POLR2C: variants seen among roughly 807,000 people sequenced by gnomAD.
The protein encoded by POLR2C is RNA polymerase II subunit C.
POLR2C carries 36 observed loss-of-function variants against 41.7 expected under a neutral mutation model. The ratio of observed to expected loss-of-function variants is 0.86; its 90% CI spans 0.66 to 1.14. The LOEUF is 1.14. Ranked by LOEUF, POLR2C falls within the 50% of genes most tolerant of loss-of-function variation. POLR2C has a pLI of 0.00. For synonymous variants in POLR2C, 133 were observed against 137.8 expected, an observed-to-expected ratio of 0.96 and a Z score of 0.25; for missense variants, 260 against 350.4, an observed-to-expected ratio of 0.74 and a Z score of 2.06.
At position 57,471,154 on chromosome 16, in the gene POLR2C, C is replaced by G. The variant is rs1301728215; in HGVS notation, c.*35C>G. 6 of 1,596,144 alleles carry G rather than the reference C, an allele frequency of 3.8e-6. No homozygotes were observed. Among genetic ancestry groups the G allele is most frequent in the Non-Finnish European group, 5.2e-6 (6 of 1,164,574 alleles). ...GCCTGCTTCAGCAAAAACGGAGATT[C>G]AGGCCAGCAGCTGGATATGGGGGTC... On this transcript the variant is annotated 3_prime_UTR_variant, in exon 9 of 9. Transcript: ENST00000219252.
intron 2 of POLR2C, 169 bp downstream of exon 2, chr16:57,463,247 C>G (rs1468113193): frequency 4.5e-6 from 3 of 665,418 alleles, no homozygotes; most frequent in Non-Finnish European, 5.4e-6. Context: ...GCTCAGTGGC[C>G]GCCTCCCTGG....
At position 57,466,174 on chromosome 16, in the gene POLR2C, G is replaced by A; in HGVS notation, c.206-1G>A. The A allele has an allele frequency of 6.2e-7, 1 of 1,602,446 alleles. No homozygotes were observed. Among genetic ancestry groups the A allele is most frequent in the Non-Finnish European group, 8.5e-7 (1 of 1,172,248 alleles). On this transcript the variant is annotated splice_acceptor_variant, in intron 3 of 8. Transcript: ENST00000219252. LOFTEE classifies it high-confidence loss of function. The stretch of plus-strand genomic sequence containing the variant: ...TTAAAGTGCTTTTCTGTTTTTTACA[G>A]GATTAATTCCCCTCATTAGTGATGA...
At position 57,469,244 on chromosome 16, in the gene POLR2C, G is replaced by A. The variant is rs769921504; in HGVS notation, c.338G>A (p.Arg113Gln). The A allele has an allele frequency of 3.7e-6, 6 of 1,614,060 alleles. No homozygotes were observed. The highest frequency in any genetic ancestry group is 1.3e-5 in the African/African-American group (1 of 74,922). Residue 113 changes from arginine to glutamine, a missense_variant, in exon 5 of 9, where the codon CGA becomes CAA. Physicochemically the swap from Arg to Gln is conservative, Grantham distance 43 (BLOSUM62 1). Transcript: ENST00000219252. This position sits in a 1 kb window ranked among gnomAD's most constrained non-coding sequence, Gnocchi z 5.8. ...GTGCGGTGCAATGAAGACCAGACGCGACATGTCACGTCTCGAGACCTCATC... is the reference window on the plus strand; with the variant it reads ...GTGCGGTGCAATGAAGACCAGACGCAACATGTCACGTCTCGAGACCTCATC... ...LDVRCNEDQT[R>Q]HVTSRDLISN...
chr16:57,470,893 G>A, intron 8 of POLR2C, 82 bp from the exon 9 acceptor site: 5 of 1,392,006 alleles, frequency 3.6e-6, no homozygotes, highest in African/African-American at 1.4e-5. Context: ...CCAAGACCCG[G>A]AAGGAGGAAG....
In POLR2C at chr16:57,469,080, ATTAG is replaced by A; in HGVS notation, c.259-84_259-81del. 1 of 1,385,100 alleles carries A rather than the reference ATTAG, an allele frequency of 7.2e-7. No individual in the cohort carries two copies. The highest frequency in any genetic ancestry group is 1.0e-6 in the Non-Finnish European group (1 of 989,954). 85.8% of individuals were successfully genotyped at this position (1,385,100 alleles called of 1,614,324 possible). ...GGTGAAGAAACTTAAGGAACTGGGCATTAGATGCAGGAAGCCAAGACAAGGAGCC... is the reference window on the plus strand; with the variant it reads ...GGTGAAGAAACTTAAGGAACTGGGCAATGCAGGAAGCCAAGACAAGGAGCC... On this transcript the variant is annotated intron_variant, in intron 4 of 8. Coordinates refer to ENST00000219252, the MANE Select transcript of POLR2C (RefSeq NM_032940.3). The surrounding 1 kb of genome is among the most constrained non-coding windows in gnomAD (Gnocchi z 5.8).
intron 8 of POLR2C, 28 bp downstream of exon 8, chr16:57,470,382 T>C (rs1462203919): frequency 1.9e-6 from 3 of 1,545,398 alleles, no homozygotes; most frequent in Non-Finnish European, 8.8e-7. Context: ...CATGGGAAGG[T>C]GAAGTGTGGA....
At chr16:57,467,735 C>G (rs1387045194) in intron 4 of POLR2C, among the ~76,000 whole-genome samples, 3 of 152,174 alleles carry the variant, frequency 2.0e-5, no homozygotes, top group African/African-American at 7.2e-5. Flanking sequence ...GAATAGTTTC[C>G]TACATAACTA....
chr16:57,462,925 G>A, intron 1 of POLR2C, 104 bp from the exon 2 acceptor site: 1 of 1,251,944 alleles, frequency 8.0e-7, no homozygotes, highest in Non-Finnish European at 1.1e-6. Context: ...TGTCCTTCCA[G>A]AGCTGCCCCC....
intron 1 of POLR2C, 49 bp from the exon 2 acceptor site, chr16:57,462,980 C>G (rs1567582609): frequency 6.4e-7 from 1 of 1,553,458 alleles, no homozygotes; most frequent in South Asian, 1.1e-5. Flanking sequence ...GCGGGCCCAG[C>G]CTGTCGAGGC....
chr16:57,471,057 C>CT lies in POLR2C; in HGVS notation c.767dup (p.Ser257GlufsTer2). On this transcript the variant is annotated frameshift_variant, in exon 9 of 9. Transcript: ENST00000219252. LOFTEE classifies it high-confidence loss of function. The stretch of plus-strand genomic sequence containing the variant: ...AGCCCTCTCAGGATTGAAGAAGAAA[C>CT]TGAGTGATTTACAAACTCAATTAAG... The CT allele has an allele frequency of 6.2e-7, 1 of 1,613,350 alleles. No individual in the cohort carries two copies. Among genetic ancestry groups the CT allele is most frequent in the Non-Finnish European group, 8.5e-7 (1 of 1,179,262 alleles).
In POLR2C at chr16:57,469,404, C is replaced by A; in HGVS notation, c.387+111C>A. 1 of 1,202,874 alleles carries A rather than the reference C, an allele frequency of 8.3e-7. No individual in the cohort carries two copies. The highest frequency in any genetic ancestry group is 1.2e-6 in the Non-Finnish European group (1 of 815,986). 74.5% of individuals were successfully genotyped at this position (1,202,874 alleles called of 1,614,324 possible). A position where few individuals can be genotyped will look rare whatever the true frequency, so the allele number is the denominator to read the frequency against. On this transcript the variant is annotated intron_variant, in intron 5 of 8. Coordinates refer to ENST00000219252, the MANE Select transcript of POLR2C (RefSeq NM_032940.3). This position sits in a 1 kb window ranked among gnomAD's most constrained non-coding sequence, Gnocchi z 5.8. ...TAGAAAATGTTGGCTTTCCCTGTTA[C>A]CCTCTGCCTTAATCTGATCCCTAGA...
Position 57,469,328 on chromosome 16 carries a change from T to C in POLR2C, c.387+35T>C. 6.2e-7 allele frequency: 1 copy of C among 1,611,220 alleles called. No homozygotes were observed. The highest frequency in any genetic ancestry group is 8.5e-7 in the Non-Finnish European group (1 of 1,178,712). ...GGAGAGCATCCTCTTTTCCCTGGGA[T>C]CTTTTCTCTTCTCTGGCTGGCTCCA... is the stretch of plus-strand genomic sequence containing the variant. On this transcript the variant is annotated intron_variant, in intron 5 of 8. Coordinates refer to ENST00000219252, the MANE Select transcript of POLR2C (RefSeq NM_032940.3). The surrounding 1 kb of genome is among the most constrained non-coding windows in gnomAD (Gnocchi z 5.8).
In POLR2C at chr16:57,462,704, GGCTGGT is replaced by G. The variant is rs1567582390; in HGVS notation, c.-19_-14del. The G allele has an allele frequency of 6.4e-7, 1 of 1,572,748 alleles. No homozygotes were observed. The highest frequency in any genetic ancestry group is 1.2e-5 in the South Asian group (1 of 86,780). ...GCAGTCACCGCGGAGCAGACGCGGAGGCTGGTGGCCCCTGGGCGAGATGCCGTACGC... is the reference window on the plus strand; with the variant it reads ...GCAGTCACCGCGGAGCAGACGCGGAGGGCCCCTGGGCGAGATGCCGTACGC... On this transcript the variant is annotated 5_prime_UTR_variant, in exon 1 of 9. Transcript: ENST00000219252.
chr16:57,470,861 C>T, intron 8 of POLR2C, 114 bp from the exon 9 acceptor site: 1 of 1,020,020 alleles, frequency 9.8e-7, no homozygotes. Context: ...GGCCCAAGGT[C>T]AAGTTCCATG....
At chr16:57,462,855 A>T in intron 1 of POLR2C, 45 bp downstream of exon 1, 1 of 1,085,324 alleles carries the variant, frequency 9.2e-7, no homozygotes, top group Non-Finnish European at 1.2e-6. Flanking sequence ...GGGCGCCGGG[A>T]GGCCCAAGCC....
At chr16:57,470,675 T>C (rs2030812667) in intron 8 of POLR2C, among the ~76,000 whole-genome samples, 1 of 152,234 alleles carries the variant, frequency 6.6e-6, no homozygotes, top group Admixed American at 6.5e-5. Flanking sequence ...GTGAAAGGTC[T>C]ATCACTGGTC....
intron 2 of POLR2C, chr16:57,463,359 C>T (rs2030627898): frequency 1.8e-6 from 1 of 567,204 alleles, no homozygotes; most frequent in Non-Finnish European, 3.1e-6. Flanking sequence ...GTTTTCACTA[C>T]TATTGTTACA....
chr16:57,467,055 A>C (rs1232929052), intron 4 of POLR2C, among the ~76,000 whole-genome samples: 2 of 152,134 alleles, frequency 1.3e-5, no homozygotes, highest in African/African-American at 4.8e-5. Context: ...GACACGGTGA[A>C]ACCCTGTCTC....
Position 57,469,886 on chromosome 16 carries a change from C to T in POLR2C, c.440-75C>T. ...GTTTTTCCAGATGTGTGTGGTCTTGCAGTGGCACTCCAAGTCAGAATTTGG... is the reference window on the plus strand; with the variant it reads ...GTTTTTCCAGATGTGTGTGGTCTTGTAGTGGCACTCCAAGTCAGAATTTGG... On this transcript the variant is annotated intron_variant, in intron 6 of 8. Coordinates refer to ENST00000219252, the MANE Select transcript of POLR2C (RefSeq NM_032940.3). This position sits in a 1 kb window ranked among gnomAD's most constrained non-coding sequence, Gnocchi z 5.8. 1.3e-6 allele frequency: 2 copies of T among 1,574,168 alleles called. No individual in the cohort carries two copies. The highest frequency in any genetic ancestry group is 2.2e-5 in the South Asian group (2 of 90,218).
Sources: allele counts gnomAD v4.1 joint callset (sites outside exome capture counted in the v4.1 genomes callset), GRCh38; gene constraint gnomAD v4.1.1; non-coding constraint Gnocchi (gnomAD v3.1); transcripts MANE v1.5; gene names NCBI Gene and HGNC (gene_info 2026-07-23, HGNC 2026-07-21).